UBE2K: variants seen among roughly 807,000 people sequenced by gnomAD.
UBE2K encodes the protein ubiquitin conjugating enzyme E2 K, also known as ubiquitin-conjugating enzyme E2 K.
In UBE2K, 6 loss-of-function variants were observed where a neutral mutation model predicts 30.0. The observed-to-expected ratio is 0.20, with a 90% CI of 0.11 to 0.39. UBE2K has a LOEUF of 0.39. UBE2K is among the 10% of genes least tolerant of loss of function. The probability of loss-of-function intolerance (pLI) is 1.00; values close to 1 mark genes in which losing one functional copy is unlikely to be tolerated. For missense variants in UBE2K, 61 were observed against 241.6 expected (o/e 0.25, Z 4.96); for synonymous variants, 86 against 83.7 (o/e 1.03, Z -0.15).
chr4:39,733,127 A>G (rs1189674929), intron 1 of UBE2K, among the ~76,000 whole-genome samples: 5 of 151,958 alleles, frequency 3.3e-5, no homozygotes, highest in Non-Finnish European at 5.9e-5. Flanking sequence ...AAAGTTTAGA[A>G]AAGCAATCTT....
In UBE2K at chr4:39,732,768, C is replaced by T. The variant is rs1720143702; in HGVS notation, c.64-4652C>T. ...TTGGTTCACTGCAACCTCTGCCTCCCGGGTTCAAGCAATTCTCATGCCTCA... is the reference window on the plus strand; with the variant it reads ...TTGGTTCACTGCAACCTCTGCCTCCTGGGTTCAAGCAATTCTCATGCCTCA... On this transcript the variant is annotated intron_variant, in intron 1 of 6. Coordinates refer to ENST00000261427, the MANE Select transcript of UBE2K (RefSeq NM_005339.5). Among the ~76,000 whole-genome samples, 6 of 149,292 alleles carry T rather than the reference C, an allele frequency of 4.0e-5. No homozygotes were observed. The Admixed American group carries it at 4.0e-4, about 10-fold the overall frequency.
intron 2 of UBE2K, among the ~76,000 whole-genome samples, chr4:39,743,149 A>G (rs538360102): frequency 1.3e-5 from 2 of 152,312 alleles, no homozygotes; most frequent in South Asian, 4.1e-4. Flanking sequence ...ATTCATAACA[A>G]TGGAGGAGTG....
intron 1 of UBE2K, among the ~76,000 whole-genome samples, chr4:39,727,647 A>G (rs763097282): frequency 4.0e-5 from 6 of 151,256 alleles, no homozygotes; most frequent in Non-Finnish European, 8.8e-5. Flanking sequence ...TGATCAGCCC[A>G]TCTCCACCAC....
intron 1 of UBE2K, among the ~76,000 whole-genome samples, chr4:39,735,442 G>T (rs1340558188): frequency 1.3e-5 from 2 of 152,090 alleles, no homozygotes; most frequent in Admixed American, 1.3e-4. Flanking sequence ...GTGCAGTGGC[G>T]TGATCTCGGC....
chr4:39,756,627 A>AT (rs972682788), intron 4 of UBE2K, among the ~76,000 whole-genome samples: 2 of 150,998 alleles, frequency 1.3e-5, no homozygotes, highest in African/African-American at 4.9e-5. Context: ...TAATGTTTGT[A>AT]TTTTTTTTAG....
intron 3 of UBE2K, among the ~76,000 whole-genome samples, chr4:39,751,036 A>G (rs1721227509): frequency 6.6e-6 from 1 of 151,236 alleles, no homozygotes; most frequent in African/African-American, 2.4e-5. Flanking sequence ...ATGAGCCACC[A>G]CGCCTGGCCC....
intron 4 of UBE2K, among the ~76,000 whole-genome samples, chr4:39,757,707 GT>G (rs1195417602): frequency 6.6e-6 from 1 of 152,066 alleles, no homozygotes; most frequent in East Asian, 1.9e-4. Context: ...AATCCATTAG[GT>G]TATCGCCAAG....
chr4:39,764,493 G>A (rs920457225), intron 4 of UBE2K, among the ~76,000 whole-genome samples: 7 of 149,976 alleles, frequency 4.7e-5, no homozygotes, highest in Admixed American at 1.3e-4. Context: ...CGCCTAGGCT[G>A]GAGTGCAGTG....
chr4:39,748,645 A>C (rs750894062), intron 3 of UBE2K, among the ~76,000 whole-genome samples: 6 of 151,812 alleles, frequency 4.0e-5, no homozygotes, highest in Non-Finnish European at 7.4e-5. Flanking sequence ...AGAAAAAGAA[A>C]AGCCTCTACA....
At chr4:39,699,750 GA>G (rs371285231) in intron 1 of UBE2K, among the ~76,000 whole-genome samples, 45 of 152,202 alleles carry the variant, frequency 3.0e-4, no homozygotes, top group African/African-American at 1.0e-3. Context: ...TATACATGGA[GA>G]AAAAATTATT....
intron 4 of UBE2K, among the ~76,000 whole-genome samples, chr4:39,773,650 G>T (rs1332778302): frequency 6.6e-6 from 1 of 151,880 alleles, no homozygotes; most frequent in East Asian, 1.9e-4. Flanking sequence ...GGCTGGGCGC[G>T]GTGGCTCACG....
chr4:39,753,216 C>G (rs1291722538), intron 3 of UBE2K, among the ~76,000 whole-genome samples: 1 of 151,964 alleles, frequency 6.6e-6, no homozygotes, highest in Non-Finnish European at 1.5e-5. Flanking sequence ...TGGTGAAACC[C>G]CCAACACTAT....
intron 1 of UBE2K, 81 bp downstream of exon 1, chr4:39,698,471 T>A: frequency 7.3e-7 from 1 of 1,361,350 alleles, no homozygotes; most frequent in Non-Finnish European, 1.0e-6. Context: ...ATATCCCCGG[T>A]AGTCCCTGGG....
At chr4:39,773,687 C>T (rs923499715) in intron 4 of UBE2K, among the ~76,000 whole-genome samples, 6 of 151,822 alleles carry the variant, frequency 4.0e-5, no homozygotes, top group Admixed American at 1.3e-4. Context: ...TTTGGGAGGC[C>T]GAGGCGGGCG....
chr4:39,773,285 C>T (rs192485255), intron 4 of UBE2K, among the ~76,000 whole-genome samples: 1 of 150,958 alleles, frequency 6.6e-6, no homozygotes, highest in Admixed American at 6.6e-5. Flanking sequence ...CTGTGTCTCA[C>T]GGTGAAACCC....
At position 39,719,437 on chromosome 4, in the gene UBE2K, T is replaced by C. The variant is rs1211676944; in HGVS notation, c.64-17983T>C. Among the ~76,000 whole-genome samples the C allele has an allele frequency of 2.6e-5, 4 of 152,222 alleles. No individual in the cohort carries two copies. In the East Asian group the frequency reaches 7.7e-4, roughly 29 times the overall value. On this transcript the variant is annotated intron_variant, in intron 1 of 6. Coordinates refer to ENST00000261427, the MANE Select transcript of UBE2K (RefSeq NM_005339.5). ...TCTCTTTAGCACCTTGTAGGGTTCCTTGAATGTAGAAGCCTTAGTAATTTA... is the reference window on the plus strand; with the variant it reads ...TCTCTTTAGCACCTTGTAGGGTTCCCTGAATGTAGAAGCCTTAGTAATTTA...
chr4:39,722,925 A>G (rs969550781), intron 1 of UBE2K, among the ~76,000 whole-genome samples: 1 of 151,214 alleles, frequency 6.6e-6, no homozygotes, highest in Non-Finnish European at 1.5e-5. Context: ...CCCCCCAAGT[A>G]TCTGGGATTA....
At chr4:39,715,761 G>C (rs1039640456) in intron 1 of UBE2K, among the ~76,000 whole-genome samples, 3 of 152,072 alleles carry the variant, frequency 2.0e-5, no homozygotes, top group African/African-American at 7.2e-5. Context: ...CTCCTACTTT[G>C]ATATTAATAA....
chr4:39,744,629 G>T (rs2109359085), intron 2 of UBE2K, among the ~76,000 whole-genome samples: 1 of 151,828 alleles, frequency 6.6e-6, no homozygotes, highest in Non-Finnish European at 1.5e-5. Context: ...AATTTGGGCT[G>T]GGCACAGTGG....
Sources: gnomAD v4.1 joint callset for allele counts (sites outside exome capture counted in the v4.1 genomes callset) on GRCh38, gnomAD v4.1.1 for gene constraint, MANE v1.5 for transcripts, NCBI Gene and HGNC (gene_info 2026-07-23, HGNC 2026-07-21) for gene names.